The following PIEZO2 variants were observed in gnomAD, a reference collection of about 807,000 sequenced individuals.
The protein encoded by PIEZO2 is piezo type mechanosensitive ion channel component 2.
PIEZO2 carries 172 observed loss-of-function variants against 337.3 expected under a neutral mutation model. The observed-to-expected ratio is 0.51, with a 90% CI of 0.45 to 0.58. PIEZO2 has a LOEUF of 0.58. Among genes scored for constraint, PIEZO2 ranks in the 20% least tolerant of loss-of-function variants. The pLI, the probability that PIEZO2 is intolerant of heterozygous loss-of-function variation, is 0.00. For synonymous variants in PIEZO2, 1,251 were observed against 1,228.5 expected, an observed-to-expected ratio of 1.02 and a Z score of -0.38; for missense variants, 3,028 against 3,391.3, an observed-to-expected ratio of 0.89 and a Z score of 2.66.
At position 10,759,920 on chromosome 18, in the gene PIEZO2, A is replaced by G; in HGVS notation, c.3451-11T>C. 1 of 1,532,994 alleles carries G rather than the reference A, an allele frequency of 6.5e-7. No homozygotes were observed. Among genetic ancestry groups the G allele is most frequent in the Non-Finnish European group, 8.7e-7 (1 of 1,143,328 alleles). 95.0% of individuals were successfully genotyped at this position (1,532,994 alleles called of 1,614,324 possible). On this transcript the variant is annotated splice_polypyrimidine_tract_variant and intron_variant, in intron 24 of 55. Transcript: ENST00000674853. This position sits in a 1 kb window ranked among gnomAD's most constrained non-coding sequence, Gnocchi z 5.5. ...CATTAGGAAACAGGTCTGTGTAAAG[A>G]TGAAAAGAGGCAAAAAAAAAAAATC...
chr18:11,041,129 C>T (rs1424979019), intron 2 of PIEZO2, among the ~76,000 whole-genome samples: 1 of 152,146 alleles, frequency 6.6e-6, no homozygotes, highest in Non-Finnish European at 1.5e-5. Flanking sequence ...TTCTAAAACC[C>T]GAACTATGAA....
At position 10,871,416 on chromosome 18, in the gene PIEZO2, C is replaced by CT. The variant is rs1342634570; in HGVS notation, c.330-2dup. ...ATTGCCAGCATCAGCTCCCTTTAAGCTATAAAGGAAAAACAAGGGGAGGGG... is the reference window on the plus strand; with the variant it reads ...ATTGCCAGCATCAGCTCCCTTTAAGCTTATAAAGGAAAAACAAGGGGAGGGG... On this transcript the variant is annotated splice_acceptor_variant, in intron 4 of 55. Coordinates refer to ENST00000674853, the MANE Select transcript of PIEZO2 (RefSeq NM_001378183.1). LOFTEE classifies it high-confidence loss of function. 20 of 1,530,304 alleles carry CT rather than the reference C, an allele frequency of 1.3e-5. No individual in the cohort carries two copies. Among genetic ancestry groups the CT allele is most frequent in the Admixed American group, 2.0e-5 (1 of 49,756 alleles). 94.8% of individuals were successfully genotyped at this position (1,530,304 alleles called of 1,614,324 possible). A position where few individuals can be genotyped will look rare whatever the true frequency, so the allele number is the denominator to read the frequency against.
chr18:11,056,401 A>G (rs1395665040), intron 2 of PIEZO2, among the ~76,000 whole-genome samples: 1 of 152,200 alleles, frequency 6.6e-6, no homozygotes, highest in East Asian at 1.9e-4. Flanking sequence ...TCTCACAGAG[A>G]GAAGAGCCTC....
intron 47 of PIEZO2, among the ~76,000 whole-genome samples, chr18:10,695,213 G>A (rs939958869): frequency 2.0e-5 from 3 of 152,232 alleles, no homozygotes; most frequent in Non-Finnish European, 2.9e-5. Flanking sequence ...TTTGCCTGGA[G>A]GCGTGAGGTG....
At position 10,891,061 on chromosome 18, in the gene PIEZO2, G is replaced by A. The variant is rs952286568; in HGVS notation, c.330-19646C>T. Reference sequence around the variant, plus strand: ...AGAAAGTGCATTGCTGGCTGGAAGCGGTGGCTCACGCCTATAATCCCAATA... The same window carrying A: ...AGAAAGTGCATTGCTGGCTGGAAGCAGTGGCTCACGCCTATAATCCCAATA... On this transcript the variant is annotated intron_variant, in intron 4 of 55. Transcript: ENST00000674853. 1.8e-4 allele frequency among the ~76,000 whole-genome samples: 28 copies of A among 152,178 alleles called. 2 individuals are homozygous for A. The highest frequency in any genetic ancestry group is 6.8e-3 in the Middle Eastern group (2 of 292).
chr18:11,148,350 C>T lies in PIEZO2; in HGVS notation c.64+175G>A, dbSNP rs1176108307. 6.6e-6 allele frequency among the ~76,000 whole-genome samples: 1 copy of T among 152,158 alleles called. No individual in the cohort carries two copies. Among genetic ancestry groups the T allele is most frequent in the Non-Finnish European group, 1.5e-5 (1 of 68,022 alleles). ...TTAAGAGATACCCCGATCGCGCGCC[C>T]CAGAGTGGGAAGTGAGAGAGCCAGG... is the stretch of plus-strand genomic sequence containing the variant. On this transcript the variant is annotated intron_variant, in intron 1 of 55. Coordinates refer to ENST00000674853, the MANE Select transcript of PIEZO2 (RefSeq NM_001378183.1). This position sits in a 1 kb window ranked among gnomAD's most constrained non-coding sequence, Gnocchi z 5.2.
rs1306731676 is a variant in PIEZO2, at chr18:11,083,150, C to T, written c.65-16928G>A. 2.6e-5 allele frequency among the ~76,000 whole-genome samples: 4 copies of T among 152,150 alleles called. No homozygotes were observed. The East Asian group carries it at 5.8e-4, about 22-fold the overall frequency. Reference sequence around the variant, plus strand: ...ATCACCGTTCTCTACCTTTGCATACCTTGCCTGAAGCTGGTATAAAGACAG... The same window carrying T: ...ATCACCGTTCTCTACCTTTGCATACTTTGCCTGAAGCTGGTATAAAGACAG... On this transcript the variant is annotated intron_variant, in intron 1 of 55. Coordinates refer to ENST00000674853, the MANE Select transcript of PIEZO2 (RefSeq NM_001378183.1). The surrounding 1 kb of genome is among the most constrained non-coding windows in gnomAD (Gnocchi z 4.4).
intron 3 of PIEZO2, among the ~76,000 whole-genome samples, chr18:10,960,848 A>T (rs908013014): frequency 1.3e-5 from 2 of 152,172 alleles, no homozygotes; most frequent in Admixed American, 1.3e-4. Context: ...GGACTGTGTC[A>T]TCTGAAATGT....
intron 34 of PIEZO2, 62 bp downstream of exon 34, chr18:10,736,542 G>T: frequency 1.3e-6 from 2 of 1,531,208 alleles, no homozygotes; most frequent in Non-Finnish European, 1.7e-6. Flanking sequence ...GGCCTGCAAT[G>T]AAGGTCCGTC....
At chr18:10,793,663 G>A (rs2039485818) in intron 13 of PIEZO2, among the ~76,000 whole-genome samples, 1 of 152,160 alleles carries the variant, frequency 6.6e-6, no homozygotes, top group African/African-American at 2.4e-5. Context: ...TGTTTAAGAG[G>A]AAAGAGGGAG....
At position 10,670,707 on chromosome 18, in the gene PIEZO2, T is replaced by C. The variant is rs994562755; in HGVS notation, c.*820A>G. 14 of 152,598 alleles carry C rather than the reference T, an allele frequency of 9.2e-5. No homozygotes were observed. The highest frequency in any genetic ancestry group is 3.4e-4 in the African/African-American group (14 of 41,448). The allele number at this position is 152,598 out of a possible 1,614,324, so 9.5% of individuals were successfully genotyped here. A position where few individuals can be genotyped will look rare whatever the true frequency, so the allele number is the denominator to read the frequency against. ...GTTATTAAAGAGTTACAAAGTATTC[T>C]AGGTCCCACTGGGTTGGTCTTTTTA... On this transcript the variant is annotated 3_prime_UTR_variant, in exon 56 of 56. Transcript: ENST00000674853.
chr18:10,695,336 G>A (rs542017887), intron 47 of PIEZO2, among the ~76,000 whole-genome samples: 13 of 152,316 alleles, frequency 8.5e-5, no homozygotes, highest in African/African-American at 3.1e-4. Flanking sequence ...AGAGCTTGGA[G>A]ATGCCAGGCA....
At chr18:10,884,090 C>A (rs560597456) in intron 4 of PIEZO2, among the ~76,000 whole-genome samples, 21 of 152,186 alleles carry the variant, frequency 1.4e-4, no homozygotes, top group African/African-American at 4.8e-4. Flanking sequence ...GGATTACAGG[C>A]GTAAGCCACC....
intron 1 of PIEZO2, among the ~76,000 whole-genome samples, chr18:11,133,026 C>T (rs1323204393): frequency 1.3e-5 from 2 of 152,158 alleles, no homozygotes; most frequent in African/African-American, 4.8e-5. Flanking sequence ...AAAGGGGATA[C>T]AGAATGGGTA....
Position 11,132,033 on chromosome 18 carries a change from A to G in PIEZO2, c.64+16492T>C, listed in dbSNP as rs1186857608. On this transcript the variant is annotated intron_variant, in intron 1 of 55. Transcript: ENST00000674853. The surrounding 1 kb of genome is among the most constrained non-coding windows in gnomAD (Gnocchi z 4.7). ...CCCAATTTGCCAACAGCAGAGACCA[A>G]TACTGAGCCCTCGATATGTCACCTT... Among the ~76,000 whole-genome samples, 1 of 152,168 alleles carries G rather than the reference A, an allele frequency of 6.6e-6. No individual in the cohort carries two copies. Among genetic ancestry groups the G allele is most frequent in the African/African-American group, 2.4e-5 (1 of 41,436 alleles).
intron 17 of PIEZO2, among the ~76,000 whole-genome samples, chr18:10,782,827 G>A (rs1192611030): frequency 6.6e-6 from 1 of 152,070 alleles, no homozygotes; most frequent in African/African-American, 2.4e-5. Flanking sequence ...CCCAGAACCT[G>A]CATAGGCTAA....
intron 20 of PIEZO2, among the ~76,000 whole-genome samples, chr18:10,771,914 T>G (rs1218914969): frequency 6.6e-6 from 1 of 152,198 alleles, no homozygotes; most frequent in Non-Finnish European, 1.5e-5. Context: ...GCTGCAGTAT[T>G]GCAGTGCTGT....
At chr18:10,946,310 G>A (rs866660638) in intron 3 of PIEZO2, among the ~76,000 whole-genome samples, 1 of 152,170 alleles carries the variant, frequency 6.6e-6, no homozygotes. Context: ...GGACAGTGGA[G>A]CAACATTTTA....
Position 10,847,169 on chromosome 18 carries a change from T to C in PIEZO2, c.917+8184A>G, listed in dbSNP as rs1292174226. ...TTGAGCATTAGCAGAATCCTCTTAGTGTGGTATTATTAAATCAGTGGAACC... is the reference window on the plus strand; with the variant it reads ...TTGAGCATTAGCAGAATCCTCTTAGCGTGGTATTATTAAATCAGTGGAACC... On this transcript the variant is annotated intron_variant, in intron 7 of 55. Coordinates refer to ENST00000674853, the MANE Select transcript of PIEZO2 (RefSeq NM_001378183.1). The surrounding 1 kb of genome is among the most constrained non-coding windows in gnomAD (Gnocchi z 5.7). Among the ~76,000 whole-genome samples, 4 of 152,122 alleles carry C rather than the reference T, an allele frequency of 2.6e-5. No individual in the cohort carries two copies. Among genetic ancestry groups the C allele is most frequent in the Non-Finnish European group, 4.4e-5 (3 of 68,014 alleles).
Sources: gnomAD v4.1 joint callset for allele counts (sites outside exome capture counted in the v4.1 genomes callset) on GRCh38, gnomAD v4.1.1 for gene constraint, Gnocchi (gnomAD v3.1) non-coding constraint, MANE v1.5 for transcripts, NCBI Gene and HGNC (gene_info 2026-07-23, HGNC 2026-07-21) for gene names.